Variants in CDK14 observed in about 807,000 individuals in gnomAD.
CDK14 encodes cyclin-dependent kinase 14.
A neutral mutation model predicts 60.7 loss-of-function variants in CDK14; 34 were observed. The observed-to-expected ratio is 0.56, with a 90% CI of 0.43 to 0.75. The LOEUF is 0.75. Ranked by LOEUF, CDK14 falls within the 30% of genes least tolerant of loss-of-function variation. CDK14 has a pLI of 0.00. For synonymous variants in CDK14, 197 were observed against 203.7 expected (o/e 0.97, Z 0.28); for missense variants, 482 against 564.1 (o/e 0.85, Z 1.47).
intron 5 of CDK14, among the ~76,000 whole-genome samples, chr7:90,792,897 G>A (rs1016455789): frequency 1.3e-5 from 2 of 152,096 alleles, no homozygotes; most frequent in Non-Finnish European, 2.9e-5. Context: ...TACACATGTT[G>A]TTCCCCATGG....
intron 5 of CDK14, among the ~76,000 whole-genome samples, chr7:90,797,224 T>A (rs1420428491): frequency 6.6e-6 from 1 of 151,720 alleles, no homozygotes; most frequent in Non-Finnish European, 1.5e-5. Flanking sequence ...GAGTAAGGTG[T>A]CATGGCCCTC....
At chr7:90,923,688 A>G (rs1793323548) in intron 8 of CDK14, among the ~76,000 whole-genome samples, 1 of 152,242 alleles carries the variant, frequency 6.6e-6, no homozygotes, top group South Asian at 2.1e-4. Flanking sequence ...ACAAATTGCT[A>G]CGCATAGGAC....
At position 91,166,443 on chromosome 7, in the gene CDK14, T is replaced by G. The variant is rs144722788; in HGVS notation, c.*29-40722T>G. Reference sequence around the variant, plus strand: ...AAACTTGAAGTGCCTATTAATTAATTTTTTAAAAAGAAAAACAGCAGCTTA... The same window carrying G: ...AAACTTGAAGTGCCTATTAATTAATGTTTTAAAAAGAAAAACAGCAGCTTA... On this transcript the variant is annotated intron_variant, in intron 14 of 14. Transcript: ENST00000380050. 3.1e-3 allele frequency among the ~76,000 whole-genome samples: 472 copies of G among 152,338 alleles called. 3 individuals carry two copies. Among genetic ancestry groups the G allele is most frequent in the Non-Finnish European group, 5.2e-3 (357 of 68,030 alleles).
chr7:91,153,577 G>A (rs1234464636), intron 14 of CDK14, among the ~76,000 whole-genome samples: 1 of 152,154 alleles, frequency 6.6e-6, no homozygotes, highest in African/African-American at 2.4e-5. Flanking sequence ...CATGTCCTTT[G>A]CAGGGACATG....
intron 3 of CDK14, among the ~76,000 whole-genome samples, chr7:90,740,257 A>G (rs1016838373): frequency 9.6e-6 from 1 of 104,052 alleles, no homozygotes; most frequent in African/African-American, 4.0e-5. Context: ...GTGTGTGTAT[A>G]TATATATATA....
chr7:90,903,171 A>T (rs1422519360), intron 7 of CDK14, among the ~76,000 whole-genome samples: 1 of 152,158 alleles, frequency 6.6e-6, no homozygotes, highest in African/African-American at 2.4e-5. Flanking sequence ...GAACCTATGG[A>T]GGTTTCTTAA....
chr7:90,877,283 G>A (rs1029093405), intron 6 of CDK14, among the ~76,000 whole-genome samples: 6 of 151,996 alleles, frequency 3.9e-5, no homozygotes, highest in African/African-American at 7.3e-5. Context: ...GTTATTTTTC[G>A]TAAATGAACT....
chr7:90,999,355 G>A (rs1358669142), intron 10 of CDK14, among the ~76,000 whole-genome samples: 4 of 151,918 alleles, frequency 2.6e-5, no homozygotes, highest in Non-Finnish European at 4.4e-5. Flanking sequence ...TTAGGAGGTC[G>A]AGGTGGGCAG....
intron 2 of CDK14, among the ~76,000 whole-genome samples, chr7:90,707,112 T>G (rs1024031249): frequency 6.6e-6 from 1 of 152,144 alleles, no homozygotes; most frequent in Admixed American, 6.5e-5. Flanking sequence ...CTCCAGACCC[T>G]TAGACAGCTG....
intron 4 of CDK14, among the ~76,000 whole-genome samples, chr7:90,748,055 G>C (rs906198654): frequency 2.0e-5 from 3 of 152,040 alleles, no homozygotes; most frequent in Admixed American, 6.6e-5. Context: ...CGTCTAATGA[G>C]AATTCATTTC....
chr7:90,689,514 G>T (rs1801510306), intron 2 of CDK14, among the ~76,000 whole-genome samples: 1 of 152,082 alleles, frequency 6.6e-6, no homozygotes, highest in Non-Finnish European at 1.5e-5. Context: ...TAATTGAACT[G>T]TGTAGTCTGT....
intron 12 of CDK14, among the ~76,000 whole-genome samples, chr7:91,102,493 A>C (rs2116318620): frequency 6.6e-6 from 1 of 152,272 alleles, no homozygotes; most frequent in African/African-American, 2.4e-5. Flanking sequence ...TAAAACAATA[A>C]ATTCCAGTGG....
chr7:90,713,649 A>G (rs1034793098), intron 2 of CDK14, among the ~76,000 whole-genome samples: 3 of 143,940 alleles, frequency 2.1e-5, no homozygotes, highest in Admixed American at 1.4e-4. Flanking sequence ...TTTTTTCATC[A>G]GGAGAGATAA....
At chr7:90,963,513 T>C (rs1377406651) in intron 9 of CDK14, among the ~76,000 whole-genome samples, 2 of 152,112 alleles carry the variant, frequency 1.3e-5, no homozygotes, top group African/African-American at 2.4e-5. Context: ...GTTGTGTATT[T>C]ATTCATGTAG....
chr7:90,767,004 C>G (rs898074356), intron 4 of CDK14, among the ~76,000 whole-genome samples: 3 of 152,124 alleles, frequency 2.0e-5, no homozygotes, highest in African/African-American at 7.2e-5. Context: ...ATGTAGTACC[C>G]TGGCTCCCCT....
At chr7:90,623,985 T>C (rs1320532798) in intron 2 of CDK14, among the ~76,000 whole-genome samples, 2 of 152,202 alleles carry the variant, frequency 1.3e-5, no homozygotes, top group African/African-American at 4.8e-5. Flanking sequence ...TGTCATTGCA[T>C]ATTTATAATA....
chr7:90,863,978 T>G (rs913710698), intron 6 of CDK14, among the ~76,000 whole-genome samples: 18 of 152,244 alleles, frequency 1.2e-4, no homozygotes, highest in African/African-American at 4.1e-4. Context: ...TTTTCACAGA[T>G]GGATCTAAGA....
chr7:91,032,612 A>G (rs952192973), intron 10 of CDK14, among the ~76,000 whole-genome samples: 6 of 152,192 alleles, frequency 3.9e-5, no homozygotes, highest in Non-Finnish European at 7.3e-5. Context: ...TGATGCATCC[A>G]CAAGCCAAGT....
chr7:90,778,266 A>G (rs781259370), intron 4 of CDK14, among the ~76,000 whole-genome samples: 12 of 152,208 alleles, frequency 7.9e-5, no homozygotes, highest in Non-Finnish European at 1.5e-4. Flanking sequence ...TGATACCTAC[A>G]TCCACTTAGA....
Sources: gnomAD v4.1 joint callset for allele counts (sites outside exome capture counted in the v4.1 genomes callset) on GRCh38, gnomAD v4.1.1 for gene constraint, MANE v1.5 for transcripts, NCBI Gene and HGNC (gene_info 2026-07-23, HGNC 2026-07-21) for gene names.